Variants in SPATS2L observed in about 807,000 individuals in gnomAD.
SPATS2L encodes the protein SPATS2-like protein.
A neutral mutation model predicts 59.6 loss-of-function variants in SPATS2L; 30 were observed. The ratio of observed to expected loss-of-function variants is 0.50; its 90% CI spans 0.38 to 0.68. The LOEUF (loss-of-function observed/expected upper bound fraction) is 0.68. SPATS2L is among the 30% of genes least tolerant of loss of function. The pLI is 0.00. For synonymous variants in SPATS2L, 252 were observed against 263.5 expected, an observed-to-expected ratio of 0.96 and a Z score of 0.42; for missense variants, 615 against 700.0, an observed-to-expected ratio of 0.88 and a Z score of 1.37.
At chr2:200,444,737 C>G (rs960262240) in intron 8 of SPATS2L, among the ~76,000 whole-genome samples, 3 of 152,140 alleles carry the variant, frequency 2.0e-5, no homozygotes, top group Non-Finnish European at 2.9e-5. Context: ...CCCTGGCCCA[C>G]TTCCCCTTCC....
At chr2:200,354,663 G>T (rs949475924) in intron 2 of SPATS2L, among the ~76,000 whole-genome samples, 3 of 151,782 alleles carry the variant, frequency 2.0e-5, no homozygotes, top group East Asian at 1.9e-4. Flanking sequence ...CTTCATTCTC[G>T]TGCCTTTCAA....
chr2:200,379,311 C>T (rs550606804), intron 2 of SPATS2L, among the ~76,000 whole-genome samples: 13 of 152,124 alleles, frequency 8.5e-5, no homozygotes, highest in African/African-American at 2.7e-4. Context: ...ATGGTGATAA[C>T]GAAAATAGAA....
chr2:200,306,260 A>C (rs1011235165), upstream of SPATS2L: 2 of 1,002,396 alleles, frequency 2.0e-6, no homozygotes, highest in Non-Finnish European at 2.4e-6. Flanking sequence ...GTATTTGCAG[A>C]CAGTGCTGAG....
chr2:200,412,540 T>C lies in SPATS2L; in HGVS notation c.148+121T>C, dbSNP rs547577980. 1.8e-3 allele frequency: 891 copies of C among 496,794 alleles called. 3 individuals are homozygous for C. Among genetic ancestry groups the C allele is most frequent in the South Asian group, 2.7e-3 (53 of 19,392 alleles). The allele number at this position is 496,794 out of a possible 1,614,324, so 30.8% of individuals were successfully genotyped here. A position where few individuals can be genotyped will look rare whatever the true frequency, so the allele number is the denominator to read the frequency against. On this transcript the variant is annotated intron_variant, in intron 4 of 12. Transcript: ENST00000409140. ...ATGTGTACTTTAGGTCTCATAGAAA[T>C]GTGCGAGGTTTCACATGATTGCGCT...
upstream of SPATS2L, chr2:200,306,434 T>G (rs1029667260): frequency 8.1e-5 from 81 of 1,001,988 alleles, no homozygotes; most frequent in Non-Finnish European, 9.0e-5. Context: ...GAAGCTGTAC[T>G]GGGATTCTTC....
chr2:200,346,862 G>T (rs2080528730), intron 2 of SPATS2L, among the ~76,000 whole-genome samples: 1 of 152,178 alleles, frequency 6.6e-6, no homozygotes, highest in Admixed American at 6.5e-5. Context: ...TCTATAAGAA[G>T]AAATTAGGAT....
At chr2:200,419,147 A>G in intron 5 of SPATS2L, 103 bp from the exon 6 acceptor site, 1 of 1,208,798 alleles carries the variant, frequency 8.3e-7, no homozygotes, top group Non-Finnish European at 1.1e-6. Flanking sequence ...AAGAAGAGCC[A>G]GGAACCAAAA....
At chr2:200,477,515 T>TAAAAAAAAAAAGAAAAA (rs2087630486) in intron 12 of SPATS2L, 121 bp from the exon 13 acceptor site, 1 of 268,514 alleles carries the variant, frequency 3.7e-6, no homozygotes, top group African/African-American at 4.4e-5. Context: ...TTCTGGTGTA[T>TAAAAAAAAAAAGAAAAA]AAAAAAAAAA....
At chr2:200,415,117 G>A (rs1418170695) in intron 4 of SPATS2L, among the ~76,000 whole-genome samples, 1 of 152,016 alleles carries the variant, frequency 6.6e-6, no homozygotes, top group African/African-American at 2.4e-5. Context: ...TTAATTCTCT[G>A]GACAAATTAG....
At chr2:200,369,088 A>G (rs1360866154) in intron 2 of SPATS2L, among the ~76,000 whole-genome samples, 1 of 7,072 alleles carries the variant, frequency 1.4e-4, no homozygotes, top group Non-Finnish European at 8.9e-4. Context: ...TAAAAAAAAA[A>G]AAAAAGAAGA....
chr2:200,435,898 A>G (rs1311789552), intron 6 of SPATS2L, among the ~76,000 whole-genome samples: 1 of 152,158 alleles, frequency 6.6e-6, no homozygotes, highest in Non-Finnish European at 1.5e-5. Context: ...TATTTAACTT[A>G]ATGTATCAAA....
At chr2:200,360,395 C>G (rs1218277562) in intron 2 of SPATS2L, among the ~76,000 whole-genome samples, 8 of 152,220 alleles carry the variant, frequency 5.3e-5, no homozygotes, top group Admixed American at 5.2e-4. Flanking sequence ...ATACTTCGCC[C>G]CTGCAGTAAG....
intron 8 of SPATS2L, among the ~76,000 whole-genome samples, chr2:200,441,622 G>T (rs2106111140): frequency 6.6e-6 from 1 of 152,136 alleles, no homozygotes; most frequent in African/African-American, 2.4e-5. Flanking sequence ...TCCTAGCTCT[G>T]TCCATTCTTG....
At chr2:200,409,551 C>T (rs1483157214) in intron 3 of SPATS2L, among the ~76,000 whole-genome samples, 1 of 152,112 alleles carries the variant, frequency 6.6e-6, no homozygotes, top group African/African-American at 2.4e-5. Flanking sequence ...GAAACAATGC[C>T]GCTGTCTCCA....
intron 2 of SPATS2L, among the ~76,000 whole-genome samples, chr2:200,364,812 G>A (rs762789179): frequency 1.8e-4 from 28 of 152,198 alleles, no homozygotes; most frequent in Non-Finnish European, 1.0e-4. Context: ...AGGACCAGTT[G>A]CCAGTCATCC....
At chr2:200,344,217 C>G (rs1283657906) in intron 2 of SPATS2L, among the ~76,000 whole-genome samples, 1 of 152,042 alleles carries the variant, frequency 6.6e-6, no homozygotes, top group Non-Finnish European at 1.5e-5. Flanking sequence ...GATCCTCTCC[C>G]TCCTTCCACC....
At chr2:200,342,266 C>G (rs1480654812) in intron 2 of SPATS2L, among the ~76,000 whole-genome samples, 1 of 152,136 alleles carries the variant, frequency 6.6e-6, no homozygotes, top group African/African-American at 2.4e-5. Context: ...AGGTAGAAAG[C>G]AAGTCCAGAG....
intron 2 of SPATS2L, among the ~76,000 whole-genome samples, chr2:200,358,001 T>C (rs1301418804): frequency 2.0e-5 from 3 of 152,118 alleles, no homozygotes; most frequent in Admixed American, 2.0e-4. Context: ...AAGCAGCTAC[T>C]GTTCTGTCAC....
chr2:200,351,143 T>C (rs2080715293), intron 2 of SPATS2L: 1 of 433,656 alleles, frequency 2.3e-6, no homozygotes, highest in Middle Eastern at 3.5e-4. Context: ...ATGAAATCAA[T>C]GGGTGGAAAG....
Sources: allele counts gnomAD v4.1 joint callset (sites outside exome capture counted in the v4.1 genomes callset), GRCh38; gene constraint gnomAD v4.1.1; transcripts MANE v1.5; gene names NCBI Gene and HGNC (gene_info 2026-07-23, HGNC 2026-07-21).